ESPNL: variants seen among roughly 807,000 people sequenced by gnomAD.
ESPNL encodes espin like.
In ESPNL, 49 loss-of-function variants were observed where a neutral mutation model predicts 46.8. The ratio of observed to expected loss-of-function variants is 1.05; its 90% CI spans 0.83 to 1.33. The LOEUF (loss-of-function observed/expected upper bound fraction) is 1.33. ESPNL is among the 40% of genes most tolerant of loss of function. The pLI is 0.00. For synonymous variants in ESPNL, 664 were observed against 662.1 expected, an observed-to-expected ratio of 1.00 and a Z score of -0.04; for missense variants, 1,540 against 1,436.6, an observed-to-expected ratio of 1.07 and a Z score of -1.16.
chr2:238,116,447 G>T (rs949748009), intron 4 of ESPNL, among the ~76,000 whole-genome samples: 1 of 152,238 alleles, frequency 6.6e-6, no homozygotes, highest in African/African-American at 2.4e-5. Context: ...ATTGGGCCAG[G>T]AGGATGGTCC....
rs774584086 is a variant in ESPNL, at chr2:238,131,254, C to T, written c.2540C>T (p.Pro847Leu). 4 of 1,570,916 alleles carry T rather than the reference C, an allele frequency of 2.5e-6. No homozygotes were observed. Among genetic ancestry groups the T allele is most frequent in the Non-Finnish European group, 2.6e-6 (3 of 1,160,888 alleles). The change falls in exon 9 of 9, where the codon CCG becomes CTG. Residue 847 changes from proline to leucine, a missense_variant. By Grantham distance (98) the Pro-to-Leu change is moderately conservative. Transcript: ENST00000343063. ...EQFLPHVDGA[P>L]VPYSSLSLDL... ...TTCCTGCCCCACGTGGACGGGGCTCCGGTGCCCTACAGCAGCCTCTCACTG... is the reference window on the plus strand; with the variant it reads ...TTCCTGCCCCACGTGGACGGGGCTCTGGTGCCCTACAGCAGCCTCTCACTG...
chr2:238,126,380 T>TTG (rs200580948), intron 6 of ESPNL, among the ~76,000 whole-genome samples: 19,761 of 146,384 alleles, frequency 0.13, 1,454 homozygotes, highest in South Asian at 0.29. Flanking sequence ...GTCTTTGTGA[T>TTG]TGTGTGTCTC....
At chr2:238,127,268 G>A (rs1379852317) in intron 6 of ESPNL, 1 of 821,838 alleles carries the variant, frequency 1.2e-6, no homozygotes, top group Non-Finnish European at 1.5e-6. Context: ...TGTTTTCATC[G>A]GGGCAGGGAG....
intron 5 of ESPNL, among the ~76,000 whole-genome samples, chr2:238,121,346 G>A (rs1025280274): frequency 6.6e-5 from 10 of 152,178 alleles, no homozygotes; most frequent in Admixed American, 3.3e-4. Flanking sequence ...ACCCCCACCC[G>A]CCAGCACTGG....
rs1692384427 is a variant in ESPNL, at chr2:238,133,265, T to C, written c.*1533T>C. The C allele has an allele frequency of 6.6e-6, 1 of 152,298 alleles. No individual in the cohort carries two copies. Among genetic ancestry groups the C allele is most frequent in the African/African-American group, 2.4e-5 (1 of 41,454 alleles). The allele number at this position is 152,298 out of a possible 1,614,324, so 9.4% of individuals were successfully genotyped here. On this transcript the variant is annotated 3_prime_UTR_variant, in exon 9 of 9. Transcript: ENST00000343063. The stretch of plus-strand genomic sequence containing the variant: ...TGAAGCTGAACATGTGTTTGCTAAA[T>C]AAAGATTCCCATTCCTAGCGCACCC...
intron 6 of ESPNL, among the ~76,000 whole-genome samples, chr2:238,126,921 C>CTGCGTGTCTGTGATTGTCTG (rs1692141980): frequency 1.4e-5 from 2 of 146,640 alleles, no homozygotes; most frequent in Non-Finnish European, 3.0e-5. Flanking sequence ...ATGATCGTGT[C>CTGCGTGTCTGTGATTGTCTG]TGTGTGTCTG....
At chr2:238,117,198 C>A (rs932851334) in intron 5 of ESPNL, among the ~76,000 whole-genome samples, 164 bp downstream of exon 5, 1 of 152,172 alleles carries the variant, frequency 6.6e-6, no homozygotes, top group East Asian at 1.9e-4. Flanking sequence ...AGGACTGAGG[C>A]GCCACAGGGC....
chr2:238,110,626 A>G (rs12692209), intron 4 of ESPNL, among the ~76,000 whole-genome samples: 7,942 of 71,370 alleles, frequency 0.11, 68 homozygotes, highest in East Asian at 0.24. Flanking sequence ...CCCATTTAGG[A>G]TGCCATATGA....
chr2:238,117,183 TGGGCAGGACTGAGGC>T (rs1222338267), intron 5 of ESPNL, 149 bp downstream of exon 5: 2 of 1,149,444 alleles, frequency 1.7e-6, no homozygotes, highest in African/African-American at 3.1e-5. Context: ...AGCAAGGGCC[TGGGCAGGACTGAGGC>T]GCCACAGGGC....
At chr2:238,117,544 G>A (rs944615514) in intron 5 of ESPNL, among the ~76,000 whole-genome samples, 2 of 152,238 alleles carry the variant, frequency 1.3e-5, no homozygotes, top group Admixed American at 6.5e-5. Context: ...CCTCCCAGAG[G>A]TGATCGCAAG....
intron 5 of ESPNL, among the ~76,000 whole-genome samples, chr2:238,118,261 G>A (rs1691861651): frequency 7.5e-6 from 1 of 133,172 alleles, no homozygotes; most frequent in Admixed American, 7.2e-5. Flanking sequence ...ATGGATGGAG[G>A]AATGGATGGT....
intron 2 of ESPNL, among the ~76,000 whole-genome samples, chr2:238,104,399 C>G (rs150089420): frequency 2.0e-5 from 3 of 152,332 alleles, no homozygotes; most frequent in African/African-American, 7.2e-5. Flanking sequence ...AAGACTGTGA[C>G]CCCTCAGGTC....
At chr2:238,127,267 C>T (rs1559267341) in intron 6 of ESPNL, 7 of 820,140 alleles carry the variant, frequency 8.5e-6, no homozygotes, top group Admixed American at 5.4e-5. Context: ...GTGTTTTCAT[C>T]GGGGCAGGGA....
intron 4 of ESPNL, among the ~76,000 whole-genome samples, chr2:238,110,742 A>C: frequency 6.6e-6 from 1 of 151,100 alleles, no homozygotes; most frequent in Non-Finnish European, 1.5e-5. Context: ...TATGATACCG[A>C]GTGTCCCTTT....
chr2:238,129,772 C>G (rs571304800), intron 8 of ESPNL, among the ~76,000 whole-genome samples: 1 of 152,378 alleles, frequency 6.6e-6, no homozygotes, highest in East Asian at 1.9e-4. Flanking sequence ...AAAGTCCTGC[C>G]CCTCCGTCGC....
intron 1 of ESPNL, among the ~76,000 whole-genome samples, chr2:238,101,087 G>C (rs1252482771): frequency 6.6e-6 from 1 of 152,202 alleles, no homozygotes; most frequent in Non-Finnish European, 1.5e-5. Context: ...TGAGAGCTGG[G>C]AGCCTAGCCC....
At position 238,101,935 on chromosome 2, in the gene ESPNL, T is replaced by C. The variant is rs1255220056; in HGVS notation, c.295-6T>C. On this transcript the variant is annotated splice_polypyrimidine_tract_variant and splice_region_variant and intron_variant, in intron 1 of 8. Transcript: ENST00000343063. ...CCCACTCACTGACCTACCCGGGGCTTGGTAGGACCAAGATGCCTCGGGCGT... is the reference window on the plus strand; with the variant it reads ...CCCACTCACTGACCTACCCGGGGCTCGGTAGGACCAAGATGCCTCGGGCGT... The C allele has an allele frequency of 6.2e-7, 1 of 1,604,712 alleles. No individual in the cohort carries two copies. Among genetic ancestry groups the C allele is most frequent in the Non-Finnish European group, 8.5e-7 (1 of 1,177,686 alleles).
chr2:238,130,632 G>A lies in ESPNL; in HGVS notation c.1918G>A (p.Glu640Lys), dbSNP rs773967146. 41 of 1,561,564 alleles carry A rather than the reference G, an allele frequency of 2.6e-5. No homozygotes were observed. Among genetic ancestry groups the A allele is most frequent in the Non-Finnish European group, 2.9e-5 (33 of 1,153,144 alleles). ...GGCCTCGGCCAGCCCCCCTCGGAGC[G>A]AGGCCCAGCGCCAGATCCAGGAGTG... ...REASASPPRS[E>K]AQRQIQEWGV... Residue 640 changes from glutamate (E) to lysine (K), a missense_variant, in exon 9 of 9, where the codon GAG (glutamate) becomes AAG (lysine). Glu to Lys is a moderately conservative substitution (Grantham distance 56). Coordinates refer to ENST00000343063, the MANE Select transcript of ESPNL (RefSeq NM_194312.4).
In ESPNL at chr2:238,125,437, GC is replaced by G. The variant is rs1452908424; in HGVS notation, c.1102+55del. On this transcript the variant is annotated intron_variant, in intron 6 of 8. Coordinates refer to ENST00000343063, the MANE Select transcript of ESPNL (RefSeq NM_194312.4). ...CCAGGGCATGGGCCTGGGAGAGGGT[GC>G]CACTGGCCTCCCCTCCGAGGTCCTG... 4.5e-6 allele frequency: 5 copies of G among 1,113,648 alleles called. No homozygotes were observed. The African/African-American group carries it at 8.2e-5, about 18-fold the overall frequency. The allele number at this position is 1,113,648 out of a possible 1,614,324, so 69.0% of individuals were successfully genotyped here.
Sources: allele counts gnomAD v4.1 joint callset (sites outside exome capture counted in the v4.1 genomes callset), GRCh38; gene constraint gnomAD v4.1.1; transcripts MANE v1.5; gene names NCBI Gene and HGNC (gene_info 2026-07-23, HGNC 2026-07-21).